The following HERC1 variants were observed in gnomAD, a reference collection of about 807,000 sequenced individuals.
HERC1 encodes the protein probable E3 ubiquitin-protein ligase HERC1.
A neutral mutation model predicts 554.3 loss-of-function variants in HERC1; 160 were observed. The observed-to-expected ratio is 0.29, with a 90% CI of 0.25 to 0.33. HERC1 has a LOEUF of 0.33. Ranked by LOEUF, HERC1 falls within the 10% of genes least tolerant of loss-of-function variation. HERC1 has a pLI of 1.00. For missense variants in HERC1, 4,919 were observed against 5,918.5 expected, an observed-to-expected ratio of 0.83 and a Z score of 5.54; for synonymous variants, 2,175 against 2,131.7, an observed-to-expected ratio of 1.02 and a Z score of -0.56.
intron 73 of HERC1, 106 bp downstream of exon 73, chr15:63,623,619 T>A: frequency 9.2e-7 from 1 of 1,083,218 alleles, no homozygotes; most frequent in Non-Finnish European, 1.4e-6. Context: ...CACAAATGCA[T>A]CCTTGCTACA....
rs550997032 is a variant in HERC1 at position 63,717,399 on chromosome 15, G to A, written c.3979-926C>T. On this transcript the variant is annotated intron_variant, in intron 21 of 77. Coordinates refer to ENST00000443617, the MANE Select transcript of HERC1 (RefSeq NM_003922.4). ...AAATCTAAGGACTAAATAATGGAGT[G>A]CAAAGCATCTGATTAGTTAAGTTTC... Among the ~76,000 whole-genome samples the A allele has an allele frequency of 3.9e-5, 6 of 152,292 alleles. No homozygotes were observed. In the South Asian group the frequency reaches 1.2e-3, roughly 32 times the overall value.
chr15:63,628,951 TTC>T (rs1487406929), intron 69 of HERC1, 136 bp from the exon 70 acceptor site: 15 of 737,082 alleles, frequency 2.0e-5, no homozygotes, highest in African/African-American at 2.8e-5. Context: ...ATAAAACACA[TTC>T]TTTTTTTTTT....
chr15:63,670,047 G>A (rs878885223), intron 39 of HERC1, among the ~76,000 whole-genome samples: 1 of 152,116 alleles, frequency 6.6e-6, no homozygotes, highest in South Asian at 2.1e-4. Context: ...CAGTTACAGT[G>A]CAAAGAAGGC....
Position 63,734,674 on chromosome 15 carries a change from C to T in HERC1, c.2646+50G>A, listed in dbSNP as rs753073941. 2 of 1,465,390 alleles carry T rather than the reference C, an allele frequency of 1.4e-6. No individual in the cohort carries two copies. Among genetic ancestry groups the T allele is most frequent in the Admixed American group, 5.2e-5 (2 of 38,246 alleles). The allele number at this position is 1,465,390 out of a possible 1,614,324, so 90.8% of individuals were successfully genotyped here. ...TATTAGTTTTATTTCCTTCTCAGTC[C>T]AAATTTTTAGGATACTACTGGTTTA... On this transcript the variant is annotated intron_variant, in intron 13 of 77. Transcript: ENST00000443617. This position sits in a 1 kb window ranked among gnomAD's most constrained non-coding sequence, Gnocchi z 4.6.
chr15:63,698,703 T>G (rs1405939243), intron 26 of HERC1, 25 bp downstream of exon 26: 2 of 1,601,814 alleles, frequency 1.2e-6, no homozygotes, highest in East Asian at 2.2e-5. Context: ...AGAGCTCTCA[T>G]AAGGAGTAAA....
intron 40 of HERC1, among the ~76,000 whole-genome samples, chr15:63,668,962 T>C (rs1429452560): frequency 6.6e-6 from 1 of 152,168 alleles, no homozygotes; most frequent in Non-Finnish European, 1.5e-5. Context: ...AACAGCACAA[T>C]ACACGTATTT....
At chr15:63,631,025 G>A (rs2068527234) in intron 68 of HERC1, among the ~76,000 whole-genome samples, 1 of 152,114 alleles carries the variant, frequency 6.6e-6, no homozygotes, top group Non-Finnish European at 1.5e-5. Context: ...CCAGACTGGA[G>A]TACAGTGCAG....
At chr15:63,805,153 T>C (rs1327051293) in intron 1 of HERC1, among the ~76,000 whole-genome samples, 1 of 152,194 alleles carries the variant, frequency 6.6e-6, no homozygotes, top group Non-Finnish European at 1.5e-5. Context: ...TTATTCATAA[T>C]AGCCAAAAAC....
chr15:63,617,910 T>C (rs1359761536), intron 74 of HERC1, among the ~76,000 whole-genome samples: 2 of 152,194 alleles, frequency 1.3e-5, no homozygotes, highest in Admixed American at 6.5e-5. Context: ...TATTAGCCCT[T>C]TGTCAGATGA....
intron 2 of HERC1, among the ~76,000 whole-genome samples, chr15:63,769,524 G>C (rs1372472979): frequency 3.3e-5 from 5 of 152,002 alleles, no homozygotes; most frequent in African/African-American, 1.2e-4. Flanking sequence ...CAACATGATG[G>C]AAAGTTCAAT....
At position 63,718,435 on chromosome 15, in the gene HERC1, TC is replaced by T; in HGVS notation, c.3978+138del. 1 of 709,136 alleles carries T rather than the reference TC, an allele frequency of 1.4e-6. No individual in the cohort carries two copies. Among genetic ancestry groups the T allele is most frequent in the Non-Finnish European group, 2.1e-6 (1 of 473,972 alleles). 43.9% of individuals were successfully genotyped at this position (709,136 alleles called of 1,614,324 possible). A position where few individuals can be genotyped will look rare whatever the true frequency, so the allele number is the denominator to read the frequency against. ...TCTCAAATCTTTTCCTTTTTTTTTT[TC>T]TGCTAGGAAAAGAACTACTCAACAT... On this transcript the variant is annotated intron_variant, in intron 21 of 77. Coordinates refer to ENST00000443617, the MANE Select transcript of HERC1 (RefSeq NM_003922.4). The surrounding 1 kb of genome is among the most constrained non-coding windows in gnomAD (Gnocchi z 4.2).
intron 68 of HERC1, 40 bp from the exon 69 acceptor site, chr15:63,630,675 A>C (rs1236494373): frequency 6.4e-7 from 1 of 1,565,524 alleles, no homozygotes; most frequent in Non-Finnish European, 8.7e-7. Flanking sequence ...AATGTTATGC[A>C]CCACACAACA....
chr15:63,609,503 G>C (rs1326323116), intron 77 of HERC1, among the ~76,000 whole-genome samples: 1 of 152,240 alleles, frequency 6.6e-6, no homozygotes, highest in Non-Finnish European at 1.5e-5. Context: ...GCCTGTGTGT[G>C]TAAAGTGAGG....
intron 46 of HERC1, 96 bp from the exon 47 acceptor site, chr15:63,660,032 T>C: frequency 9.7e-7 from 1 of 1,026,534 alleles, no homozygotes; most frequent in Non-Finnish European, 1.5e-6. Flanking sequence ...AAAATGCAGA[T>C]GAGCAGCCAG....
chr15:63,657,095 G>C (rs2070082341), intron 48 of HERC1, among the ~76,000 whole-genome samples: 2 of 152,114 alleles, frequency 1.3e-5, no homozygotes, highest in Admixed American at 1.3e-4. Context: ...AGTTTTAGTT[G>C]ATACTATCGA....
chr15:63,771,996 C>A (rs2075970021), intron 2 of HERC1, among the ~76,000 whole-genome samples: 1 of 151,976 alleles, frequency 6.6e-6, no homozygotes, highest in Non-Finnish European at 1.5e-5. Flanking sequence ...GTGGCAGGTG[C>A]CTGTAGTCCC....
At chr15:63,625,461 G>C (rs573792165) in intron 71 of HERC1, among the ~76,000 whole-genome samples, 1 of 152,116 alleles carries the variant, frequency 6.6e-6, no homozygotes, top group Non-Finnish European at 1.5e-5. Flanking sequence ...GGGAGGTGGA[G>C]GTGGGGGGGA....
intron 33 of HERC1, among the ~76,000 whole-genome samples, 162 bp downstream of exon 33, chr15:63,689,427 T>C (rs1279286366): frequency 1.3e-5 from 2 of 152,036 alleles, no homozygotes; most frequent in Non-Finnish European, 2.9e-5. Context: ...AGCATGGTTA[T>C]AAGCTGAGGG....
intron 18 of HERC1, 51 bp downstream of exon 18, chr15:63,725,241 A>G (rs748288296): frequency 6.5e-5 from 96 of 1,485,806 alleles, no homozygotes; most frequent in Non-Finnish European, 2.8e-5. Flanking sequence ...GAAATCTCCA[A>G]CTGAGGTACA....
Sources: gnomAD v4.1 joint callset for allele counts (sites outside exome capture counted in the v4.1 genomes callset) on GRCh38, gnomAD v4.1.1 for gene constraint, Gnocchi (gnomAD v3.1) non-coding constraint, MANE v1.5 for transcripts, NCBI Gene and HGNC (gene_info 2026-07-23, HGNC 2026-07-21) for gene names.